TENM4: variants seen among roughly 807,000 people sequenced by gnomAD.
TENM4 encodes teneurin-4.
TENM4 carries 82 observed loss-of-function variants against 243.3 expected under a neutral mutation model. The ratio of observed to expected loss-of-function variants is 0.34; its 90% CI spans 0.28 to 0.40. The LOEUF (loss-of-function observed/expected upper bound fraction) is 0.40, where lower values mean the gene tolerates loss of function less well. Ranked by LOEUF, TENM4 falls within the 10% of genes least tolerant of loss-of-function variation. The probability of loss-of-function intolerance (pLI) is 1.00; values close to 1 mark genes in which losing one functional copy is unlikely to be tolerated. For synonymous variants in TENM4, 1,412 were observed against 1,456.3 expected (o/e 0.97, Z 0.69); for missense variants, 3,138 against 3,673.3 (o/e 0.85, Z 3.77).
chr11:79,123,025 C>T (rs1861774622), intron 4 of TENM4, among the ~76,000 whole-genome samples: 1 of 152,194 alleles, frequency 6.6e-6, no homozygotes, highest in Non-Finnish European at 1.5e-5. Context: ...GTCATCCTGG[C>T]TCTTCCTGAT....
chr11:78,889,376 C>T lies in TENM4; in HGVS notation c.1084+409G>A, dbSNP rs1855612547. On this transcript the variant is annotated intron_variant, in intron 9 of 33. Transcript: ENST00000278550. ...TCCACCTCCTTCCTGCTCCTCACTG[C>T]AGCCACACAGTCCCAACAGGAGAGG... Among the ~76,000 whole-genome samples, 4 of 152,332 alleles carry T rather than the reference C, an allele frequency of 2.6e-5. No homozygotes were observed. The South Asian group carries it at 8.3e-4, about 32-fold the overall frequency.
intron 6 of TENM4, among the ~76,000 whole-genome samples, chr11:79,003,017 T>C (rs1415690586): frequency 1.3e-5 from 2 of 152,056 alleles, no homozygotes; most frequent in Non-Finnish European, 2.9e-5. Flanking sequence ...CATAATACAA[T>C]TGTAAGTATT....
intron 4 of TENM4, among the ~76,000 whole-genome samples, chr11:79,109,187 G>A (rs1565207215): frequency 6.6e-6 from 1 of 152,128 alleles, no homozygotes; most frequent in African/African-American, 2.4e-5. Context: ...GCTGCAGGTG[G>A]TTTTTAATGG....
chr11:78,833,275 G>C (rs1236927472), intron 12 of TENM4, among the ~76,000 whole-genome samples: 1 of 152,148 alleles, frequency 6.6e-6, no homozygotes, highest in Non-Finnish European at 1.5e-5. Flanking sequence ...ATTTCTTCCA[G>C]AATTCACTTC....
intron 6 of TENM4, among the ~76,000 whole-genome samples, chr11:78,967,257 A>G (rs1192065632): frequency 2.6e-5 from 4 of 152,156 alleles, no homozygotes; most frequent in African/African-American, 9.7e-5. Context: ...TGCCATTACC[A>G]TATGTGCCTA....
intron 3 of TENM4, among the ~76,000 whole-genome samples, chr11:79,170,938 A>G (rs1044499395): frequency 3.9e-5 from 6 of 152,092 alleles, no homozygotes; most frequent in African/African-American, 7.2e-5. Context: ...TCATAAGAGA[A>G]CCATCTGGAC....
At chr11:78,930,463 AAC>A (rs1317127952) in intron 6 of TENM4, among the ~76,000 whole-genome samples, 3 of 152,190 alleles carry the variant, frequency 2.0e-5, no homozygotes, top group Non-Finnish European at 4.4e-5. Flanking sequence ...CTCCACCTGA[AAC>A]AGTTTTCCTC....
chr11:78,929,627 G>A lies in TENM4; in HGVS notation c.494-26104C>T, dbSNP rs190485175. Among the ~76,000 whole-genome samples the A allele has an allele frequency of 5.5e-3, 838 of 152,236 alleles. 2 individuals are homozygous for A. The highest frequency in any genetic ancestry group is 8.3e-3 in the Non-Finnish European group (562 of 68,000). ...TTAAGCTAAGGATCAGGGCCCCCGG[G>A]GGAGATGGTAAAGAGGGAACCTGGT... On this transcript the variant is annotated intron_variant, in intron 6 of 33. Transcript: ENST00000278550.
At chr11:78,968,601 T>C (rs1857482608) in intron 6 of TENM4, among the ~76,000 whole-genome samples, 1 of 152,180 alleles carries the variant, frequency 6.6e-6, no homozygotes, top group Non-Finnish European at 1.5e-5. Context: ...TGGTGGAGAT[T>C]GGCAGAGGGG....
intron 28 of TENM4, among the ~76,000 whole-genome samples, chr11:78,688,480 T>C (rs1858740518): frequency 1.3e-5 from 2 of 152,112 alleles, no homozygotes; most frequent in Admixed American, 1.3e-4. Context: ...GTGGGGATGA[T>C]AACACTGACC....
At chr11:79,118,500 A>G (rs368132171) in intron 4 of TENM4, among the ~76,000 whole-genome samples, 83 of 152,302 alleles carry the variant, frequency 5.4e-4, no homozygotes, top group African/African-American at 1.9e-3. Flanking sequence ...ATCCCTGTAC[A>G]GAACTCTTCA....
intron 3 of TENM4, among the ~76,000 whole-genome samples, chr11:79,166,982 G>T (rs1160230047): frequency 6.6e-6 from 1 of 152,212 alleles, no homozygotes; most frequent in East Asian, 1.9e-4. Context: ...TTTCAGAAAT[G>T]AGGCTGCAGA....
At chr11:79,065,998 G>A (rs1364610407) in intron 5 of TENM4, among the ~76,000 whole-genome samples, 8 of 152,190 alleles carry the variant, frequency 5.3e-5, no homozygotes, top group South Asian at 4.1e-4. Flanking sequence ...CCCACTTAAC[G>A]TGACGATCTG....
At chr11:79,325,859 C>T (rs983523559) in intron 1 of TENM4, among the ~76,000 whole-genome samples, 2 of 152,174 alleles carry the variant, frequency 1.3e-5, no homozygotes, top group South Asian at 4.1e-4. Flanking sequence ...CTCTGCTGCT[C>T]CTACCATCCT....
chr11:79,164,295 AG>A (rs560215083), intron 3 of TENM4, among the ~76,000 whole-genome samples: 4 of 128,052 alleles, frequency 3.1e-5, no homozygotes, highest in African/African-American at 9.5e-5. Flanking sequence ...TAGATATACT[AG>A]TATATATAGT....
intron 6 of TENM4, chr11:78,904,018 G>A (rs766348864): frequency 7.4e-5 from 26 of 349,050 alleles, no homozygotes; most frequent in Non-Finnish European, 9.5e-5. Flanking sequence ...TTCTAGAACC[G>A]CTGATTATAT....
At chr11:78,993,749 C>T (rs1440095117) in intron 6 of TENM4, among the ~76,000 whole-genome samples, 1 of 152,152 alleles carries the variant, frequency 6.6e-6, no homozygotes, top group African/African-American at 2.4e-5. Context: ...TGTTTGCTCA[C>T]TCATTATATT....
At chr11:79,398,492 AT>A in intron 1 of TENM4, among the ~76,000 whole-genome samples, 1 of 152,158 alleles carries the variant, frequency 6.6e-6, no homozygotes, top group South Asian at 2.1e-4. Context: ...ATCTATTCAC[AT>A]TATGGAAATA....
intron 1 of TENM4, among the ~76,000 whole-genome samples, chr11:79,377,569 T>C (rs1017030319): frequency 1.3e-5 from 2 of 152,176 alleles, no homozygotes; most frequent in Non-Finnish European, 2.9e-5. Flanking sequence ...GACACATACA[T>C]GCAATCCCTA....
Sources: allele counts gnomAD v4.1 joint callset (sites outside exome capture counted in the v4.1 genomes callset), GRCh38; gene constraint gnomAD v4.1.1; transcripts MANE v1.5; gene names NCBI Gene and HGNC (gene_info 2026-07-23, HGNC 2026-07-21).